ENTREP2: variants seen among roughly 807,000 people sequenced by gnomAD.
ENTREP2 encodes the protein protein ENTREP2.
chr15:29,642,050 A>G, the ENTREP2 span, among the ~76,000 whole-genome samples: 46 of 152,254 alleles, frequency 3.0e-4, no homozygotes, highest in African/African-American at 1.1e-3. Context: ...TAACATGGCA[A>G]TATTACCCAA....
At chr15:29,368,404 A>C in the ENTREP2 span, among the ~76,000 whole-genome samples, 2 of 152,016 alleles carry the variant, frequency 1.3e-5, no homozygotes, top group African/African-American at 4.8e-5. Context: ...ACACATACAC[A>C]CACACACATA....
the ENTREP2 span, among the ~76,000 whole-genome samples, chr15:29,598,708 T>C: frequency 8.7e-6 from 1 of 114,298 alleles, no homozygotes; most frequent in Non-Finnish European, 2.0e-5. Context: ...TCTTTTTTTC[T>C]TTTTTTGAGA....
the ENTREP2 span, among the ~76,000 whole-genome samples, chr15:29,457,546 C>T: frequency 2.0e-5 from 3 of 152,154 alleles, no homozygotes; most frequent in African/African-American, 7.2e-5. Context: ...GGGGCAGAGG[C>T]TCAGCTGCAG....
At chr15:29,443,988 C>CA in the ENTREP2 span, among the ~76,000 whole-genome samples, 1 of 151,958 alleles carries the variant, frequency 6.6e-6, no homozygotes, top group African/African-American at 2.4e-5. Flanking sequence ...CCTGTAGTCC[C>CA]AGCTACTCAG....
At chr15:29,644,458 A>G in the ENTREP2 span, among the ~76,000 whole-genome samples, 4 of 152,262 alleles carry the variant, frequency 2.6e-5, no homozygotes, top group South Asian at 2.1e-4. Flanking sequence ...GGAGTCATAT[A>G]GAGACAGGGA....
chr15:29,528,159 G>A, the ENTREP2 span, among the ~76,000 whole-genome samples: 16 of 152,112 alleles, frequency 1.1e-4, no homozygotes, highest in Non-Finnish European at 1.8e-4. Context: ...ATGACAGGTT[G>A]TGATGGCATT....
the ENTREP2 span, among the ~76,000 whole-genome samples, chr15:29,163,547 T>C: frequency 7.9e-5 from 12 of 151,920 alleles, no homozygotes; most frequent in East Asian, 2.3e-3. Context: ...AGGAATAGAA[T>C]TGAAAAAGTA....
chr15:29,250,593 T>A, the ENTREP2 span, among the ~76,000 whole-genome samples: 1 of 152,176 alleles, frequency 6.6e-6, no homozygotes, highest in African/African-American at 2.4e-5. Context: ...GGCTTTCTTT[T>A]TGGTGTGAAC....
At chr15:29,408,816 T>C in the ENTREP2 span, among the ~76,000 whole-genome samples, 1 of 152,198 alleles carries the variant, frequency 6.6e-6, no homozygotes, top group Non-Finnish European at 1.5e-5. Flanking sequence ...ATCCATCTAC[T>C]TAGCCTGTCA....
At chr15:29,553,005 T>G in the ENTREP2 span, among the ~76,000 whole-genome samples, 2 of 152,198 alleles carry the variant, frequency 1.3e-5, no homozygotes, top group Non-Finnish European at 2.9e-5. Context: ...TGTTTCATAC[T>G]GTAAACTTGG....
At chr15:29,469,189 TTTG>T in the ENTREP2 span, among the ~76,000 whole-genome samples, 4 of 152,016 alleles carry the variant, frequency 2.6e-5, no homozygotes, top group East Asian at 7.7e-4. Flanking sequence ...CTGCTTCTTT[TTTG>T]TTTTGTTTTG....
the ENTREP2 span, chr15:29,570,062 C>CA: frequency 7.1e-6 from 1 of 141,262 alleles, no homozygotes; most frequent in Admixed American, 6.9e-5. Context: ...CCCCCCACCC[C>CA]CACCGCCCCC....
At chr15:29,570,631 G>C in the ENTREP2 span, 13 of 1,412,832 alleles carry the variant, frequency 9.2e-6, no homozygotes, top group Non-Finnish European at 1.2e-5. Flanking sequence ...GCGCCAGCAC[G>C]ATGCGGGAGC....
At chr15:29,479,585 A>G in the ENTREP2 span, among the ~76,000 whole-genome samples, 1 of 151,690 alleles carries the variant, frequency 6.6e-6, no homozygotes, top group Non-Finnish European at 1.5e-5. Flanking sequence ...GGCTACTGTG[A>G]ATAGCTTTGG....
the ENTREP2 span, among the ~76,000 whole-genome samples, chr15:29,621,347 C>G: frequency 6.6e-6 from 1 of 151,470 alleles, no homozygotes; most frequent in East Asian, 1.9e-4. Context: ...CATGGTGAAA[C>G]CTGTCTCTAC....
At chr15:29,437,127 C>T in the ENTREP2 span, among the ~76,000 whole-genome samples, 6 of 152,170 alleles carry the variant, frequency 3.9e-5, no homozygotes, top group Admixed American at 2.0e-4. Context: ...CTATCCCTTC[C>T]GAACATCTCC....
chr15:29,592,769 G>A, the ENTREP2 span, among the ~76,000 whole-genome samples: 1 of 152,292 alleles, frequency 6.6e-6, no homozygotes, highest in South Asian at 2.1e-4. Context: ...TGTCCCTGGT[G>A]GGGGTGGGGA....
chr15:29,360,971 G>A, the ENTREP2 span, among the ~76,000 whole-genome samples: 1 of 152,210 alleles, frequency 6.6e-6, no homozygotes, highest in Non-Finnish European at 1.5e-5. Flanking sequence ...CAACCTGTTG[G>A]TGGCTCCACC....
chr15:29,456,010 A>G, the ENTREP2 span, among the ~76,000 whole-genome samples: 88,237 of 152,016 alleles, frequency 0.58, 25,754 homozygotes, highest in Non-Finnish European at 0.61. Context: ...TGAGTTGCAT[A>G]ATTATTTCAT....
Sources: gnomAD v4.1 joint callset for allele counts (sites outside exome capture counted in the v4.1 genomes callset) on GRCh38, gnomAD v4.1.1 for gene constraint, MANE v1.5 for transcripts, NCBI Gene and HGNC (gene_info 2026-07-23, HGNC 2026-07-21) for gene names.